The following ATRAID variants were observed in gnomAD, a reference collection of about 807,000 sequenced individuals.
ATRAID encodes all-trans retinoic acid induced differentiation factor, also known as all-trans retinoic acid-induced differentiation factor.
A neutral mutation model predicts 28.8 loss-of-function variants in ATRAID; 26 were observed. The ratio of observed to expected loss-of-function variants is 0.90; its 90% CI spans 0.66 to 1.25. ATRAID has a LOEUF of 1.25. ATRAID is among the 50% of genes most tolerant of loss of function. The pLI, the probability that ATRAID is intolerant of heterozygous loss-of-function variation, is 0.00. For synonymous variants in ATRAID, 131 were observed against 108.5 expected, an observed-to-expected ratio of 1.21 and a Z score of -1.29; for missense variants, 308 against 285.9, an observed-to-expected ratio of 1.08 and a Z score of -0.56.
intron 2 of ATRAID, among the ~76,000 whole-genome samples, chr2:27,214,534 T>G (rs761223338): frequency 5.3e-5 from 8 of 152,220 alleles, no homozygotes; most frequent in Non-Finnish European, 1.2e-4. Context: ...AGAACAGTGC[T>G]GGCGGATAGA....
intron 6 of ATRAID, 31 bp from the exon 7 acceptor site, chr2:27,216,813 A>C (rs372453045): frequency 1.9e-6 from 3 of 1,574,652 alleles, no homozygotes; most frequent in African/African-American, 2.7e-5. Context: ...GTAACGTTGT[A>C]TGGGGGTGTT....
chr2:27,213,032 G>C (rs1674663677), intron 1 of ATRAID, 145 bp from the exon 2 acceptor site: 1 of 1,005,680 alleles, frequency 9.9e-7, no homozygotes, highest in Admixed American at 2.4e-5. Flanking sequence ...CCTGTTACAA[G>C]GGTGGGACAC....
Position 27,212,270 on chromosome 2 carries a change from G to C in ATRAID, c.-99G>C, listed in dbSNP as rs762976723. On this transcript the variant is annotated 5_prime_UTR_variant, in exon 1 of 7. Transcript: ENST00000380171. ...AAGCAGCCCCAGGGCGACTGGACCG[G>C]GCCGCTTAGGCCACGCCCGGGGAAG... 5 of 1,555,350 alleles carry C rather than the reference G, an allele frequency of 3.2e-6. No homozygotes were observed. The highest frequency in any genetic ancestry group is 4.3e-6 in the Non-Finnish European group (5 of 1,149,822).
In ATRAID at chr2:27,212,128, G is replaced by A. The variant is rs1411604974; in HGVS notation, c.-241G>A. Reference sequence around the variant, plus strand: ...GCAGTCGGCTCCGGGAAGCCGCGCGGCGACGGGGGAGGCCTTCACTAAAGG... The same window carrying A: ...GCAGTCGGCTCCGGGAAGCCGCGCGACGACGGGGGAGGCCTTCACTAAAGG... On this transcript the variant is annotated 5_prime_UTR_variant, in exon 1 of 7. Coordinates refer to ENST00000380171, the MANE Select transcript of ATRAID (RefSeq NM_001170795.4). The A allele has an allele frequency of 4.0e-6, 6 of 1,505,314 alleles. No individual in the cohort carries two copies. The East Asian group carries it at 1.3e-4, about 33-fold the overall frequency. The allele number at this position is 1,505,314 out of a possible 1,614,324, so 93.2% of individuals were successfully genotyped here. A position where few individuals can be genotyped will look rare whatever the true frequency, so the allele number is the denominator to read the frequency against.
chr2:27,213,182 C>T lies in ATRAID; in HGVS notation c.105C>T (p.Cys35=). 6.2e-7 allele frequency: 1 copy of T among 1,613,628 alleles called. No homozygotes were observed. The highest frequency in any genetic ancestry group is 8.5e-7 in the Non-Finnish European group (1 of 1,179,614). The change falls in exon 2 of 7, where the codon TGC becomes TGT. Residue 35 remains cysteine, a synonymous_variant. Transcript: ENST00000380171. The part of the protein sequence containing the change: ...VERALALPEI[C]TQCPGSVQNL... ...TGTTTCTTTCTCTTCTGCAGATATG[C>T]ACCCAATGTCCAGGGAGCGTGCAAA... is the stretch of plus-strand genomic sequence containing the variant.
rs1262223451 is a variant in ATRAID, at chr2:27,213,280, A to G, written c.203A>G (p.Gln68Arg). The change falls in exon 2 of 7, where the codon CAG becomes CGG. Residue 68 changes from glutamine (Q) to arginine (R), a missense_variant. By Grantham distance (43) the Gln-to-Arg change is conservative. Coordinates refer to ENST00000380171, the MANE Select transcript of ATRAID (RefSeq NM_001170795.4). Reference sequence around the variant, plus strand: ...CTGCATGCCCGTTGCTGCCTGAATCAGAAGGGCACCATCTTGGGGTGAGGG... The same window carrying G: ...CTGCATGCCCGTTGCTGCCTGAATCGGAAGGGCACCATCTTGGGGTGAGGG... ...LMLHARCCLN[Q>R]KGTILGLDLQ... 1.2e-6 allele frequency: 2 copies of G among 1,614,028 alleles called. No individual in the cohort carries two copies. Among genetic ancestry groups the G allele is most frequent in the Non-Finnish European group, 1.7e-6 (2 of 1,179,998 alleles).
At position 27,213,007 on chromosome 2, in the gene ATRAID, C is replaced by T. The variant is rs139079070; in HGVS notation, c.100-170C>T. On this transcript the variant is annotated intron_variant, in intron 1 of 6. Coordinates refer to ENST00000380171, the MANE Select transcript of ATRAID (RefSeq NM_001170795.4). ...CGCAGGACTCTGGAGGAAGAGATGG[C>T]ATCTCCTAGCCTAGCCTGTTACAAG... The T allele has an allele frequency of 3.3e-4, 252 of 764,884 alleles. 1 individual carries two copies. The African/African-American group carries it at 4.0e-3, about 12-fold the overall frequency. 47.4% of individuals were successfully genotyped at this position (764,884 alleles called of 1,614,324 possible). A position where few individuals can be genotyped will look rare whatever the true frequency, so the allele number is the denominator to read the frequency against.
intron 1 of ATRAID, 154 bp downstream of exon 1, chr2:27,212,621 GT>G (rs1193957011): frequency 1.4e-6 from 2 of 1,418,804 alleles, no homozygotes; most frequent in East Asian, 5.4e-5. Flanking sequence ...CTGTTCCCAA[GT>G]ACTCACGTCG....
intron 2 of ATRAID, 63 bp from the exon 3 acceptor site, chr2:27,215,258 A>G: frequency 3.3e-6 from 5 of 1,538,070 alleles, no homozygotes; most frequent in Non-Finnish European, 3.6e-6. Flanking sequence ...GTCAAATACA[A>G]ACTGTGCCGT....
chr2:27,216,721 T>C (rs1572414781), intron 6 of ATRAID, 101 bp downstream of exon 6: 8 of 1,438,094 alleles, frequency 5.6e-6, no homozygotes, highest in Middle Eastern at 1.8e-4. Flanking sequence ...AAATTTCCTA[T>C]AGGTGGAAAA....
intron 1 of ATRAID, 187 bp from the exon 2 acceptor site, chr2:27,212,990 T>A (rs1674659895): frequency 1.5e-6 from 1 of 688,798 alleles, no homozygotes; most frequent in Admixed American, 3.0e-5. Flanking sequence ...GGCGCAGGAC[T>A]CTGGAGGAAG....
chr2:27,214,900 C>T (rs780724246), intron 2 of ATRAID, among the ~76,000 whole-genome samples: 83 of 152,300 alleles, frequency 5.4e-4, no homozygotes, highest in Non-Finnish European at 9.8e-4. Flanking sequence ...TAGCTACTAA[C>T]GTGGTTATTC....
At position 27,215,460 on chromosome 2, in the gene ATRAID, T is replaced by C. The variant is rs1194207727; in HGVS notation, c.294-14T>C. The C allele has an allele frequency of 6.2e-7, 1 of 1,614,160 alleles. No individual in the cohort carries two copies. The highest frequency in any genetic ancestry group is 2.2e-5 in the East Asian group (1 of 44,882). ...TAGGTTGATGCGAAAGTGCTAACAT[T>C]GTGTACTTTGCAGAGACCTGCAAGC... On this transcript the variant is annotated splice_polypyrimidine_tract_variant and intron_variant, in intron 3 of 6. Coordinates refer to ENST00000380171, the MANE Select transcript of ATRAID (RefSeq NM_001170795.4).
intron 1 of ATRAID, chr2:27,212,816 T>C (rs1244067162): frequency 1.8e-6 from 1 of 541,102 alleles, no homozygotes; most frequent in Non-Finnish European, 3.0e-6. Context: ...TAATGCTTGA[T>C]GAGTTCTTTA....
intron 6 of ATRAID, 79 bp from the exon 7 acceptor site, chr2:27,216,765 A>G (rs1490794304): frequency 1.4e-6 from 2 of 1,451,080 alleles, no homozygotes; most frequent in Admixed American, 1.7e-5. Flanking sequence ...TGATAGGTAT[A>G]TTAGGAAAGA....
rs1674799446 is a variant in ATRAID at position 27,215,747 on chromosome 2, GACCCAGGT to G, written c.483_487+3del. 1.9e-6 allele frequency: 3 copies of G among 1,613,976 alleles called. No homozygotes were observed. Among genetic ancestry groups the G allele is most frequent in the Admixed American group, 3.3e-5 (2 of 59,988 alleles). On this transcript the variant is annotated splice_donor_variant and coding_sequence_variant, in exon 5 of 7. Coordinates refer to ENST00000380171, the MANE Select transcript of ATRAID (RefSeq NM_001170795.4). LOFTEE classifies it high-confidence loss of function. ...AAAGAACCTTTGCAATAACACTGGG[GACCCAGGT>G]ATGCTGTCTTACCTCCAAACTTCTG...
At chr2:27,216,760 G>A (rs1377039902) in intron 6 of ATRAID, 84 bp from the exon 7 acceptor site, 3 of 1,433,552 alleles carry the variant, frequency 2.1e-6, no homozygotes, top group Middle Eastern at 1.8e-4. Context: ...CAAAGTGATA[G>A]GTATATTAGG....
intron 2 of ATRAID, among the ~76,000 whole-genome samples, chr2:27,213,858 A>C (rs1018607098): frequency 6.6e-6 from 1 of 152,172 alleles, no homozygotes; most frequent in Admixed American, 6.5e-5. Context: ...TCCTCTACCA[A>C]ATTAGGAAAT....
chr2:27,215,765 TA>T lies in ATRAID; in HGVS notation c.487+13del. On this transcript the variant is annotated intron_variant, in intron 5 of 6. Transcript: ENST00000380171. ...CACTGGGGACCCAGGTATGCTGTCT[TA>T]CCTCCAAACTTCTGGGAATTGTCTT... 7 of 1,612,388 alleles carry T rather than the reference TA, an allele frequency of 4.3e-6. No individual in the cohort carries two copies. The highest frequency in any genetic ancestry group is 5.9e-6 in the Non-Finnish European group (7 of 1,179,438).
Sources: allele counts gnomAD v4.1 joint callset (sites outside exome capture counted in the v4.1 genomes callset), GRCh38; gene constraint gnomAD v4.1.1; transcripts MANE v1.5; gene names NCBI Gene and HGNC (gene_info 2026-07-23, HGNC 2026-07-21).